The following NXNL2 variants were observed in gnomAD, a reference collection of about 807,000 sequenced individuals.
NXNL2 encodes the protein nucleoredoxin like 2, also known as nucleoredoxin-like protein 2.
In NXNL2, 7 loss-of-function variants were observed where a neutral mutation model predicts 11.1. That is an observed-to-expected ratio of 0.63 (90% CI 0.36 to 1.18). The LOEUF is 1.18. Ranked by LOEUF, NXNL2 falls within the 50% of genes most tolerant of loss-of-function variation. The probability of loss-of-function intolerance (pLI) is 0.02; values close to 1 mark genes in which losing one functional copy is unlikely to be tolerated. For missense variants in NXNL2, 233 were observed against 217.7 expected (o/e 1.07, Z -0.44); for synonymous variants, 109 against 101.8 (o/e 1.07, Z -0.42).
downstream of NXNL2, among the ~76,000 whole-genome samples, chr9:88,545,680 A>C (rs897269145): frequency 6.6e-6 from 1 of 152,036 alleles, no homozygotes; most frequent in African/African-American, 2.4e-5. Context: ...CACTAACCTC[A>C]TTGTTATTCG....
intron 1 of NXNL2, among the ~76,000 whole-genome samples, chr9:88,566,389 G>A (rs1187070027): frequency 6.6e-6 from 1 of 151,736 alleles, no homozygotes; most frequent in Non-Finnish European, 1.5e-5. Context: ...GACAACCTCT[G>A]CCTTCCGCGT....
downstream of NXNL2, among the ~76,000 whole-genome samples, chr9:88,545,865 C>G (rs576191486): frequency 6.6e-5 from 10 of 152,192 alleles, no homozygotes; most frequent in East Asian, 1.2e-3. Flanking sequence ...CTCCTGGGTT[C>G]AAGTGATTCT....
chr9:88,556,904 C>T (rs1034222469), intron 1 of NXNL2, among the ~76,000 whole-genome samples: 13 of 151,732 alleles, frequency 8.6e-5, no homozygotes, highest in Non-Finnish European at 1.8e-4. Context: ...GGTGAAACCC[C>T]GTCTCTACTA....
intron 1 of NXNL2, among the ~76,000 whole-genome samples, chr9:88,555,853 G>A (rs1014941415): frequency 6.6e-6 from 1 of 152,160 alleles, no homozygotes; most frequent in Non-Finnish European, 1.5e-5. Flanking sequence ...GCGGCAAAAG[G>A]TGTGTGAGCC....
intron 1 of NXNL2, among the ~76,000 whole-genome samples, chr9:88,541,364 A>G (rs1286786333): frequency 4.7e-5 from 7 of 148,742 alleles, no homozygotes; most frequent in South Asian, 2.1e-4. Flanking sequence ...GGGTTCAAGC[A>G]ATCCTCCTGC....
At chr9:88,550,649 G>T (rs1033648948) in intron 1 of NXNL2, among the ~76,000 whole-genome samples, 1 of 152,160 alleles carries the variant, frequency 6.6e-6, no homozygotes, top group Non-Finnish European at 1.5e-5. Context: ...AAAACTTGGG[G>T]TCAGCAGAAA....
intron 1 of NXNL2, among the ~76,000 whole-genome samples, chr9:88,583,403 T>G (rs1418170902): frequency 6.6e-6 from 1 of 152,224 alleles, no homozygotes; most frequent in Non-Finnish European, 1.5e-5. Context: ...CTCACTCTTC[T>G]TAGGTCGAGC....
chr9:88,536,042 A>C (rs1355488243), intron 1 of NXNL2, among the ~76,000 whole-genome samples: 1 of 152,048 alleles, frequency 6.6e-6, no homozygotes, highest in African/African-American at 2.4e-5. Context: ...ATTGCGAAGG[A>C]GCTCCCAGTG....
intron 1 of NXNL2, among the ~76,000 whole-genome samples, chr9:88,538,642 T>C (rs1040332569): frequency 6.6e-6 from 1 of 152,180 alleles, no homozygotes; most frequent in Non-Finnish European, 1.5e-5. Flanking sequence ...CCACGCCTCA[T>C]TGATTCTGAT....
intron 1 of NXNL2, among the ~76,000 whole-genome samples, chr9:88,562,677 G>A (rs576465235): frequency 6.6e-5 from 10 of 151,524 alleles, no homozygotes; most frequent in South Asian, 2.1e-4. Context: ...ACTTGAACCC[G>A]GGGGGTGGAG....
Position 88,537,575 on chromosome 9 carries a change from G to C in NXNL2, c.302+1839G>C, listed in dbSNP as rs553413348. On this transcript the variant is annotated intron_variant, in intron 1 of 1. Transcript: ENST00000375854. The stretch of plus-strand genomic sequence containing the variant: ...CTCTGTTGTTGTCATGTGTAAGCTA[G>C]GTAGTGGGATATTCTGTGGGAATTG... Among the ~76,000 whole-genome samples, 4 of 152,338 alleles carry C rather than the reference G, an allele frequency of 2.6e-5. No individual in the cohort carries two copies. The South Asian group carries it at 8.3e-4, about 32-fold the overall frequency.
intron 1 of NXNL2, among the ~76,000 whole-genome samples, chr9:88,561,250 A>G (rs1302631320): frequency 6.6e-6 from 1 of 152,138 alleles, no homozygotes; most frequent in Non-Finnish European, 1.5e-5. Flanking sequence ...TCTTTCTCCC[A>G]TGCTGGATTC....
chr9:88,566,931 C>A (rs573221590), intron 1 of NXNL2, among the ~76,000 whole-genome samples: 1 of 152,066 alleles, frequency 6.6e-6, no homozygotes, highest in African/African-American at 2.4e-5. Context: ...TCTATCTAAT[C>A]TAGCTCTATC....
intron 1 of NXNL2, among the ~76,000 whole-genome samples, chr9:88,569,387 A>C (rs1411292490): frequency 6.6e-6 from 1 of 152,084 alleles, no homozygotes; most frequent in Non-Finnish European, 1.5e-5. Flanking sequence ...TGCAGTATGT[A>C]GTTTCTTGCC....
At chr9:88,569,755 T>C (rs1042442668) in intron 1 of NXNL2, among the ~76,000 whole-genome samples, 1 of 152,238 alleles carries the variant, frequency 6.6e-6, no homozygotes, top group African/African-American at 2.4e-5. Context: ...GTGAATTGTG[T>C]TAATAGATTC....
chr9:88,571,147 C>G, exon 2 of NXNL2: 1 of 364,488 alleles, frequency 2.7e-6, no homozygotes, highest in Non-Finnish European at 5.3e-6. Context: ...CTCACTGCAA[C>G]CTTTGCCTCC....
chr9:88,535,613 GGCGGCCCGC>G lies in NXNL2; in HGVS notation c.182_190del (p.Arg61_Ala63del). The G allele has an allele frequency of 6.2e-7, 1 of 1,608,600 alleles. No homozygotes were observed. The highest frequency in any genetic ancestry group is 1.7e-5 in the Admixed American group (1 of 59,906). On this transcript the variant is annotated inframe_deletion, in exon 1 of 2. Coordinates refer to ENST00000375854, the MANE Select transcript of NXNL2 (RefSeq NM_001161625.2). ...TATACGGCGCTGGTGGCCGAGGCGCGGCGGCCCGCGCCCTTCGAAGTGGTCTTCGTGTCA... is the reference window on the plus strand; with the variant it reads ...TATACGGCGCTGGTGGCCGAGGCGCGGCCCTTCGAAGTGGTCTTCGTGTCA...
chr9:88,569,645 G>T (rs1830229269), intron 1 of NXNL2, among the ~76,000 whole-genome samples: 1 of 152,096 alleles, frequency 6.6e-6, no homozygotes, highest in African/African-American at 2.4e-5. Flanking sequence ...TTGTTATTAA[G>T]TGTTTTAAAA....
At chr9:88,539,222 G>A (rs569841214) in intron 1 of NXNL2, among the ~76,000 whole-genome samples, 2 of 152,312 alleles carry the variant, frequency 1.3e-5, no homozygotes, top group Admixed American at 6.5e-5. Context: ...GGTGATGTTG[G>A]TGTTGCTGCT....
Sources: gnomAD v4.1 joint callset for allele counts (sites outside exome capture counted in the v4.1 genomes callset) on GRCh38, gnomAD v4.1.1 for gene constraint, MANE v1.5 for transcripts, NCBI Gene and HGNC (gene_info 2026-07-23, HGNC 2026-07-21) for gene names.